RAB3GAP1: variants seen among roughly 807,000 people sequenced by gnomAD.
RAB3GAP1 encodes the protein rab3 GTPase-activating protein catalytic subunit.
Under a neutral mutation model 130.7 loss-of-function variants are expected in RAB3GAP1, and 86 were observed. The ratio of observed to expected loss-of-function variants is 0.66; its 90% CI spans 0.55 to 0.79. The LOEUF (loss-of-function observed/expected upper bound fraction) is 0.79. RAB3GAP1 is among the 30% of genes least tolerant of loss of function. RAB3GAP1 has a pLI of 0.00. For synonymous variants in RAB3GAP1, 367 were observed against 401.7 expected, an observed-to-expected ratio of 0.91 and a Z score of 1.03; for missense variants, 1,029 against 1,169.4, an observed-to-expected ratio of 0.88 and a Z score of 1.75.
At chr2:135,166,085 T>C (rs1692639839) in intron 23 of RAB3GAP1, among the ~76,000 whole-genome samples, 1 of 151,160 alleles carries the variant, frequency 6.6e-6, no homozygotes, top group Non-Finnish European at 1.5e-5. Flanking sequence ...GGCAGGAGAA[T>C]CACTTGAACC....
At chr2:135,124,358 A>C (rs1691288486) in intron 9 of RAB3GAP1, 112 bp downstream of exon 9, 1 of 1,117,636 alleles carries the variant, frequency 8.9e-7, no homozygotes, top group Non-Finnish European at 1.3e-6. Flanking sequence ...TGAATGTAGT[A>C]CTGGAAATAA....
intron 17 of RAB3GAP1, among the ~76,000 whole-genome samples, chr2:135,142,371 T>C (rs1691867953): frequency 6.6e-6 from 1 of 152,202 alleles, no homozygotes; most frequent in Non-Finnish European, 1.5e-5. Flanking sequence ...GATTTTTATA[T>C]ATTGACCTTG....
At chr2:135,125,021 A>C (rs553796514) in intron 9 of RAB3GAP1, among the ~76,000 whole-genome samples, 1 of 152,338 alleles carries the variant, frequency 6.6e-6, no homozygotes, top group African/African-American at 2.4e-5. Context: ...TGGTATTTTA[A>C]TATTTACAGA....
At chr2:135,052,734 C>T (rs1330536878) in intron 2 of RAB3GAP1, among the ~76,000 whole-genome samples, 2 of 152,188 alleles carry the variant, frequency 1.3e-5, no homozygotes, top group Non-Finnish European at 2.9e-5. Flanking sequence ...TTTGTTTTCT[C>T]TCCTGTCAGA....
intron 3 of RAB3GAP1, among the ~76,000 whole-genome samples, chr2:135,080,244 T>A (rs1423934317): frequency 6.6e-6 from 1 of 152,216 alleles, no homozygotes. Flanking sequence ...AGTGAGTTCC[T>A]TTCTTGAAGA....
chr2:135,072,456 T>C (rs1689502675), intron 3 of RAB3GAP1, among the ~76,000 whole-genome samples: 1 of 152,232 alleles, frequency 6.6e-6, no homozygotes, highest in Non-Finnish European at 1.5e-5. Context: ...TTTGTCCTTA[T>C]TGGAAGCCCA....
intron 14 of RAB3GAP1, 71 bp downstream of exon 14, chr2:135,133,055 T>C: frequency 2.2e-6 from 2 of 915,398 alleles, no homozygotes; most frequent in Non-Finnish European, 3.5e-6. Context: ...TATATATTTC[T>C]AGTTTAATAG....
intron 5 of RAB3GAP1, among the ~76,000 whole-genome samples, chr2:135,094,673 A>G (rs1372536482): frequency 1.3e-5 from 2 of 152,032 alleles, no homozygotes; most frequent in Non-Finnish European, 2.9e-5. Flanking sequence ...CCAGCTTCCC[A>G]CTTCTAACCC....
At position 135,124,172 on chromosome 2, in the gene RAB3GAP1, T is replaced by C. The variant is rs749543530; in HGVS notation, c.756T>C (p.Asp252=). 9 of 1,613,968 alleles carry C rather than the reference T, an allele frequency of 5.6e-6. No individual in the cohort carries two copies. In the East Asian group the frequency reaches 1.1e-4, roughly 20 times the overall value. Residue 252 remains aspartate (D), a synonymous_variant, in exon 9 of 24, where the codon GAT becomes GAC. Transcript: ENST00000264158. The part of the protein sequence containing the change: ...YFWPQQPPDI[D]ALVGGEVGGL... ...AATATTTCTTTTGTTTAGACATAGA[T>C]GCCCTTGTAGGAGGAGAAGTTGGAG...
intron 4 of RAB3GAP1, among the ~76,000 whole-genome samples, chr2:135,092,052 ATTC>A (rs1475121110): frequency 2.0e-5 from 3 of 152,194 alleles, no homozygotes; most frequent in Admixed American, 2.0e-4. Flanking sequence ...TGTTACGTAT[ATTC>A]TTCTTAGAAA....
intron 19 of RAB3GAP1, among the ~76,000 whole-genome samples, chr2:135,159,896 T>C (rs1692419075): frequency 6.6e-6 from 1 of 152,206 alleles, no homozygotes; most frequent in Non-Finnish European, 1.5e-5. Flanking sequence ...ATGGGCTGCA[T>C]GTTGCGTCGT....
chr2:135,062,493 G>T (rs1689205054), intron 3 of RAB3GAP1, among the ~76,000 whole-genome samples: 1 of 152,118 alleles, frequency 6.6e-6, no homozygotes, highest in Admixed American at 6.5e-5. Flanking sequence ...CATTTTTGTT[G>T]TTTTCCCAAG....
At chr2:135,113,689 C>T (rs1690886013) in intron 6 of RAB3GAP1, among the ~76,000 whole-genome samples, 1 of 152,120 alleles carries the variant, frequency 6.6e-6, no homozygotes, top group African/African-American at 2.4e-5. Flanking sequence ...CTGTCTGAAC[C>T]TCCACTGGTT....
At chr2:135,160,158 A>T (rs1309321027) in intron 19 of RAB3GAP1, among the ~76,000 whole-genome samples, 1 of 152,264 alleles carries the variant, frequency 6.6e-6, no homozygotes, top group South Asian at 2.1e-4. Context: ...TATGTGAGTT[A>T]TAACTCAATT....
intron 17 of RAB3GAP1, 55 bp from the exon 18 acceptor site, chr2:135,150,314 T>C (rs1465439913): frequency 1.2e-6 from 2 of 1,600,950 alleles, no homozygotes; most frequent in Non-Finnish European, 1.7e-6. Flanking sequence ...ATTTTTATGG[T>C]ACTTCTTTTT....
intron 19 of RAB3GAP1, among the ~76,000 whole-genome samples, chr2:135,154,200 A>G (rs1692248678): frequency 6.6e-6 from 1 of 152,238 alleles, no homozygotes; most frequent in Admixed American, 6.5e-5. Flanking sequence ...TGAGAAATAT[A>G]CAAAGATCTA....
At chr2:135,075,432 G>A (rs1262730067) in intron 3 of RAB3GAP1, among the ~76,000 whole-genome samples, 1 of 151,998 alleles carries the variant, frequency 6.6e-6, no homozygotes, top group Non-Finnish European at 1.5e-5. Context: ...TTTTATTACA[G>A]TTATCTTTTT....
intron 3 of RAB3GAP1, among the ~76,000 whole-genome samples, chr2:135,068,455 TAAAAAA>T (rs1378160637): frequency 7.0e-6 from 1 of 143,680 alleles, no homozygotes; most frequent in African/African-American, 2.5e-5. Context: ...AAATTTTTCT[TAAAAAA>T]AAAAAAAGAG....
chr2:135,143,740 G>A (rs1691914078), intron 17 of RAB3GAP1, among the ~76,000 whole-genome samples: 1 of 151,854 alleles, frequency 6.6e-6, no homozygotes. Context: ...TGTATTTTTA[G>A]TAGAGACGGG....
Sources: gnomAD v4.1 joint callset for allele counts (sites outside exome capture counted in the v4.1 genomes callset) on GRCh38, gnomAD v4.1.1 for gene constraint, MANE v1.5 for transcripts, NCBI Gene and HGNC (gene_info 2026-07-23, HGNC 2026-07-21) for gene names.